Variants in INSL6 observed in about 807,000 individuals in gnomAD.
INSL6 encodes insulin like 6, also known as insulin-like peptide INSL6.
Under a neutral mutation model 9.4 loss-of-function variants are expected in INSL6, and 16 were observed. That is an observed-to-expected ratio of 1.70 (90% CI 1.15 to 2.59). The LOEUF is 2.59. Ranked by LOEUF, INSL6 falls within the 30% of genes most tolerant of loss-of-function variation. INSL6 has a pLI of 0.00. For synonymous variants in INSL6, 154 were observed against 96.9 expected (o/e 1.59, Z -3.46); for missense variants, 391 against 257.3 (o/e 1.52, Z -3.56).
At chr9:5,138,679 T>C (rs1315823960) in intron 2 of INSL6, among the ~76,000 whole-genome samples, 1 of 152,022 alleles carries the variant, frequency 6.6e-6, no homozygotes, top group African/African-American at 2.4e-5. Context: ...TGTATACCTA[T>C]GTTAACAAAC....
At chr9:5,034,860 A>C in the INSL6 span, among the ~76,000 whole-genome samples, 1 of 152,220 alleles carries the variant, frequency 6.6e-6, no homozygotes, top group Admixed American at 6.5e-5. Flanking sequence ...TTCAAAAGCT[A>C]GCAGAAGGCA....
At chr9:5,085,598 C>T in the INSL6 span, 646 of 696,594 alleles carry the variant, frequency 9.3e-4, 1 homozygote, top group African/African-American at 0.011. Flanking sequence ...ATAGATACTA[C>T]AGAAAGAATT....
At chr9:5,064,665 T>C in the INSL6 span, among the ~76,000 whole-genome samples, 7 of 152,314 alleles carry the variant, frequency 4.6e-5, no homozygotes, top group East Asian at 7.7e-4. Context: ...ATGATGGCTA[T>C]AGAGTGAACT....
chr9:5,032,121 G>A, the INSL6 span, among the ~76,000 whole-genome samples: 1 of 152,240 alleles, frequency 6.6e-6, no homozygotes, highest in South Asian at 2.1e-4. Flanking sequence ...TGGCTCAGAG[G>A]GTCCTACGCC....
chr9:5,108,164 T>A, the INSL6 span: 1 of 152,112 alleles, frequency 6.6e-6, no homozygotes, highest in Admixed American at 6.6e-5. Flanking sequence ...CAAGCCAATA[T>A]TAACTGTTCA....
chr9:5,165,010 C>A (rs527914095), intron 1 of INSL6, among the ~76,000 whole-genome samples: 18 of 152,306 alleles, frequency 1.2e-4, no homozygotes, highest in African/African-American at 4.1e-4. Flanking sequence ...GAGTTCAATA[C>A]CAGCTTCGCC....
At chr9:5,076,018 G>A in the INSL6 span, among the ~76,000 whole-genome samples, 1 of 152,146 alleles carries the variant, frequency 6.6e-6, no homozygotes, top group African/African-American at 2.4e-5. Context: ...GGAAGTCACT[G>A]CAGAGATGGT....
the INSL6 span, chr9:5,089,537 C>CAAA: frequency 2.4e-4 from 21 of 87,082 alleles, 1 homozygote; most frequent in Admixed American, 3.8e-4. Flanking sequence ...GACTTCGTCT[C>CAAA]AAAAAAAAAA....
chr9:5,111,320 C>A, the INSL6 span: 4 of 448,710 alleles, frequency 8.9e-6, no homozygotes. Flanking sequence ...GCCCCGGACC[C>A]CTGTCCCCCT....
At chr9:5,177,586 G>T (rs1327714924) in intron 1 of INSL6, among the ~76,000 whole-genome samples, 3 of 152,232 alleles carry the variant, frequency 2.0e-5, no homozygotes, top group African/African-American at 7.2e-5. Flanking sequence ...ATATCCCAAG[G>T]AAGGGGGCTG....
At chr9:5,105,668 T>C in the INSL6 span, among the ~76,000 whole-genome samples, 1 of 152,082 alleles carries the variant, frequency 6.6e-6, no homozygotes, top group Non-Finnish European at 1.5e-5. Flanking sequence ...CAAACTATAC[T>C]ACAAGGCTAC....
the INSL6 span, among the ~76,000 whole-genome samples, chr9:5,056,368 T>G: frequency 2.6e-5 from 4 of 152,128 alleles, no homozygotes; most frequent in Non-Finnish European, 5.9e-5. Flanking sequence ...CTCATTTATC[T>G]TCTCTGTCTT....
chr9:5,022,878 G>A, the INSL6 span, among the ~76,000 whole-genome samples: 1 of 152,118 alleles, frequency 6.6e-6, no homozygotes, highest in Non-Finnish European at 1.5e-5. Flanking sequence ...AAGAATAGTC[G>A]TATGATTTTA....
At position 5,181,184 on chromosome 9, in the gene INSL6, C is replaced by T. The variant is rs892350713; in HGVS notation, c.289+4130G>A. Among the ~76,000 whole-genome samples the T allele has an allele frequency of 3.3e-5, 5 of 152,032 alleles. No homozygotes were observed. The South Asian group carries it at 6.2e-4, about 19-fold the overall frequency. ...ACTTTTAAAAAAGAAATTCAATAAG[C>T]ATACTTTTAAATATATATGAAAGAA... On this transcript the variant is annotated intron_variant, in intron 1 of 1. Transcript: ENST00000381641.
downstream of INSL6, among the ~76,000 whole-genome samples, chr9:5,162,683 A>C (rs1824951700): frequency 6.6e-6 from 1 of 152,236 alleles, no homozygotes; most frequent in Admixed American, 6.5e-5. Context: ...AACTGAATGC[A>C]GACTGTACCC....
Position 5,163,964 on chromosome 9 carries a change from A to C in INSL6, c.591T>G (p.Asp197Glu). ...ATCTTTTTTCCTTTAGCCTTTTAAA[A>C]TCAATATATGGAAGACATGCAATGC... is the stretch of plus-strand genomic sequence containing the variant. ...ELSIACLPYI[D>E]FKRLKEKRSS... Residue 197 changes from aspartate to glutamate, a missense_variant, in exon 2 of 2, where the codon GAT becomes GAG. Physicochemically the swap from Asp to Glu is conservative, Grantham distance 45 (BLOSUM62 2). Transcript: ENST00000381641. The C allele has an allele frequency of 6.2e-7, 1 of 1,610,766 alleles. No homozygotes were observed. Among genetic ancestry groups the C allele is most frequent in the Non-Finnish European group, 8.5e-7 (1 of 1,179,542 alleles).
chr9:5,181,244 G>A (rs897425438), intron 1 of INSL6, among the ~76,000 whole-genome samples: 1 of 151,982 alleles, frequency 6.6e-6, no homozygotes, highest in African/African-American at 2.4e-5. Flanking sequence ...CAATCCTAAG[G>A]GAAAAAATAA....
chr9:5,068,968 C>T, the INSL6 span: 1 of 989,350 alleles, frequency 1.0e-6, no homozygotes. Context: ...AGAATAATCA[C>T]TGTGATGTCC....
At chr9:5,146,346 G>A (rs538896755) in intron 2 of INSL6, among the ~76,000 whole-genome samples, 16 of 152,264 alleles carry the variant, frequency 1.1e-4, no homozygotes, top group African/African-American at 2.6e-4. Flanking sequence ...CAGCTGCATC[G>A]GAGTGCTAGT....
Sources: allele counts gnomAD v4.1 joint callset (sites outside exome capture counted in the v4.1 genomes callset), GRCh38; gene constraint gnomAD v4.1.1; transcripts MANE v1.5; gene names NCBI Gene and HGNC (gene_info 2026-07-23, HGNC 2026-07-21).